The following JAKMIP1 variants were observed in gnomAD, a reference collection of about 807,000 sequenced individuals.
JAKMIP1 encodes janus kinase and microtubule interacting protein 1, also known as janus kinase and microtubule-interacting protein 1.
JAKMIP1 carries 33 observed loss-of-function variants against 113.0 expected under a neutral mutation model. That is an observed-to-expected ratio of 0.29 (90% CI 0.22 to 0.39). JAKMIP1 has a LOEUF of 0.39. Ranked by LOEUF, JAKMIP1 falls within the 10% of genes least tolerant of loss-of-function variation. The pLI, the probability that JAKMIP1 is intolerant of heterozygous loss-of-function variation, is 1.00. For synonymous variants in JAKMIP1, 480 were observed against 459.9 expected, an observed-to-expected ratio of 1.04 and a Z score of -0.56; for missense variants, 813 against 1,080.5, an observed-to-expected ratio of 0.75 and a Z score of 3.47.
rs1251622479 is a variant in JAKMIP1 at position 6,154,031 on chromosome 4, C to A, written c.-147-41034G>T. Among the ~76,000 whole-genome samples the A allele has an allele frequency of 6.6e-6, 1 of 152,174 alleles. No homozygotes were observed. The highest frequency in any genetic ancestry group is 2.4e-5 in the African/African-American group (1 of 41,444). On this transcript the variant is annotated intron_variant, in intron 1 of 20. Coordinates refer to ENST00000409021, the MANE Select transcript of JAKMIP1 (RefSeq NM_001099433.2). This position sits in a 1 kb window ranked among gnomAD's most constrained non-coding sequence, Gnocchi z 4.2. ...GTTTACTAAATACTGGCTGCTGAAC[C>A]AGAGTGAGAGTTCAAGGCCATCTCT...
intron 3 of JAKMIP1, among the ~76,000 whole-genome samples, chr4:6,100,151 G>GT (rs1295520301): frequency 6.6e-6 from 1 of 152,076 alleles, no homozygotes; most frequent in Non-Finnish European, 1.5e-5. Context: ...CCGATTTTTA[G>GT]TAAGTCTTCC....
chr4:6,116,859 A>T lies in JAKMIP1; in HGVS notation c.-147-3862T>A, dbSNP rs1198188660. Among the ~76,000 whole-genome samples, 2 of 152,246 alleles carry T rather than the reference A, an allele frequency of 1.3e-5. No individual in the cohort carries two copies. Among genetic ancestry groups the T allele is most frequent in the Admixed American group, 6.5e-5 (1 of 15,290 alleles). Reference sequence around the variant, plus strand: ...AAGTCTACAGGGCACTGTGATACACAGCTATCAAATATCACCTGTCACGGG... The same window carrying T: ...AAGTCTACAGGGCACTGTGATACACTGCTATCAAATATCACCTGTCACGGG... On this transcript the variant is annotated intron_variant, in intron 1 of 20. Transcript: ENST00000409021. The surrounding 1 kb of genome is among the most constrained non-coding windows in gnomAD (Gnocchi z 5.1).
chr4:6,125,892 C>T lies in JAKMIP1; in HGVS notation c.-147-12895G>A, dbSNP rs796906369. The stretch of plus-strand genomic sequence containing the variant: ...CGCCATACACTCCATACACACCATG[C>T]AGAAACACACACACACACCATACAC... On this transcript the variant is annotated intron_variant, in intron 1 of 20. Transcript: ENST00000409021. Among the ~76,000 whole-genome samples the T allele has an allele frequency of 9.2e-3, 17 of 1,838 alleles. 7 individuals carry two copies. The highest frequency in any genetic ancestry group is 0.077 in the East Asian group (2 of 26). 1.2% of individuals were successfully genotyped at this position (1,838 alleles called of 152,430 possible).
chr4:6,198,131 C>T (rs1728042769), intron 1 of JAKMIP1, among the ~76,000 whole-genome samples: 1 of 152,218 alleles, frequency 6.6e-6, no homozygotes, highest in African/African-American at 2.4e-5. Context: ...GCAAGATCTG[C>T]TTAAGGAAAA....
intron 9 of JAKMIP1, among the ~76,000 whole-genome samples, chr4:6,062,796 G>T (rs1057398445): frequency 3.9e-5 from 6 of 152,204 alleles, no homozygotes; most frequent in African/African-American, 1.4e-4. Context: ...CAGAAGCAAA[G>T]GTCTCCATTG....
intron 1 of JAKMIP1, among the ~76,000 whole-genome samples, chr4:6,163,098 C>T (rs983242674): frequency 1.1e-4 from 16 of 152,202 alleles, no homozygotes; most frequent in Admixed American, 9.8e-4. Flanking sequence ...AGAGTTCAGA[C>T]CCTGAGGCTC....
chr4:6,105,415 C>T (rs1176538482), intron 3 of JAKMIP1, 58 bp downstream of exon 3: 7 of 1,481,658 alleles, frequency 4.7e-6, no homozygotes, highest in Non-Finnish European at 4.5e-6. Context: ...GCATTTCCCC[C>T]ATGCGTGCAG....
chr4:6,098,891 A>AAGG (rs1157262938), intron 3 of JAKMIP1, among the ~76,000 whole-genome samples: 10 of 152,230 alleles, frequency 6.6e-5, no homozygotes, highest in Non-Finnish European at 1.5e-4. Flanking sequence ...ATTAGTTTTT[A>AAGG]CGCTTCTTAA....
rs1725677037 is a variant in JAKMIP1 at position 6,178,650 on chromosome 4, T to C, written c.-148+21603A>G. ...CCCTAATGCCATGATTGTAAGTTTT[T>C]TAAGGCTTCCCCAGCCATGCAAAAC... On this transcript the variant is annotated intron_variant, in intron 1 of 20. Coordinates refer to ENST00000409021, the MANE Select transcript of JAKMIP1 (RefSeq NM_001099433.2). The surrounding 1 kb of genome is among the most constrained non-coding windows in gnomAD (Gnocchi z 5.5). Among the ~76,000 whole-genome samples the C allele has an allele frequency of 6.6e-6, 1 of 152,182 alleles. No individual in the cohort carries two copies. The highest frequency in any genetic ancestry group is 1.5e-5 in the Non-Finnish European group (1 of 68,030).
intron 1 of JAKMIP1, among the ~76,000 whole-genome samples, chr4:6,177,332 A>G (rs572568037): frequency 3.9e-5 from 6 of 152,326 alleles, no homozygotes; most frequent in African/African-American, 1.4e-4. Context: ...CCAAATGTAC[A>G]TAGAAAGACA....
At chr4:6,134,425 C>G (rs552733697) in intron 1 of JAKMIP1, among the ~76,000 whole-genome samples, 3 of 152,194 alleles carry the variant, frequency 2.0e-5, no homozygotes, top group Non-Finnish European at 2.9e-5. Flanking sequence ...GACTGATGCT[C>G]TCTTCTTGAA....
In JAKMIP1 at chr4:6,050,252, G is replaced by GTCA. The variant is rs1715487797; in HGVS notation, c.1908+323_1908+325dup. 6.6e-6 allele frequency among the ~76,000 whole-genome samples: 1 copy of GTCA among 152,168 alleles called. No homozygotes were observed. The highest frequency in any genetic ancestry group is 2.4e-5 in the African/African-American group (1 of 41,442). On this transcript the variant is annotated intron_variant, in intron 14 of 20. Coordinates refer to ENST00000409021, the MANE Select transcript of JAKMIP1 (RefSeq NM_001099433.2). The surrounding 1 kb of genome is among the most constrained non-coding windows in gnomAD (Gnocchi z 7.4). The stretch of plus-strand genomic sequence containing the variant: ...GGCACTTGGAGTCTGTTCATGATGT[G>GTCA]TCATCACCCCAGCTTCACGGTGTGG...
chr4:6,130,234 T>C (rs1718306715), intron 1 of JAKMIP1, among the ~76,000 whole-genome samples: 1 of 152,226 alleles, frequency 6.6e-6, no homozygotes. Context: ...GCAATGAGAA[T>C]TGAATCAAAC....
chr4:6,163,331 A>G (rs1723189883), intron 1 of JAKMIP1, among the ~76,000 whole-genome samples: 1 of 152,220 alleles, frequency 6.6e-6, no homozygotes, highest in Non-Finnish European at 1.5e-5. Flanking sequence ...TATTTCAAAC[A>G]TTTCCATTTT....
chr4:6,047,629 T>A (rs1283333592), intron 16 of JAKMIP1, among the ~76,000 whole-genome samples: 2 of 152,218 alleles, frequency 1.3e-5, no homozygotes, highest in African/African-American at 2.4e-5. Context: ...TGGCCATAAG[T>A]CTTGTTACCA....
In JAKMIP1 at chr4:6,167,031, T is replaced by C. The variant is rs1310835681; in HGVS notation, c.-148+33222A>G. On this transcript the variant is annotated intron_variant, in intron 1 of 20. Coordinates refer to ENST00000409021, the MANE Select transcript of JAKMIP1 (RefSeq NM_001099433.2). The surrounding 1 kb of genome is among the most constrained non-coding windows in gnomAD (Gnocchi z 5.3). ...CTACCTCCTAGGGTCTCTCAAATAC[T>C]GTATGTGCTACCCCACATCAAGTAC... Among the ~76,000 whole-genome samples, 1 of 151,996 alleles carries C rather than the reference T, an allele frequency of 6.6e-6. No individual in the cohort carries two copies. The highest frequency in any genetic ancestry group is 1.5e-5 in the Non-Finnish European group (1 of 67,984).
At position 6,106,341 on chromosome 4, in the gene JAKMIP1, G is replaced by A. The variant is rs965854631; in HGVS notation, c.130-374C>T. Among the ~76,000 whole-genome samples the A allele has an allele frequency of 2.0e-5, 3 of 152,098 alleles. No individual in the cohort carries two copies. The highest frequency in any genetic ancestry group is 4.4e-5 in the Non-Finnish European group (3 of 68,024). On this transcript the variant is annotated intron_variant, in intron 2 of 20. Transcript: ENST00000409021. The surrounding 1 kb of genome is among the most constrained non-coding windows in gnomAD (Gnocchi z 5.9). ...TTGTAAACCAGAAATATATTTCCAG[G>A]GCCCCATGCGCGGACTGTGGAGTTG... is the stretch of plus-strand genomic sequence containing the variant.
At chr4:6,161,698 G>A (rs576237710) in intron 1 of JAKMIP1, among the ~76,000 whole-genome samples, 40 of 152,186 alleles carry the variant, frequency 2.6e-4, no homozygotes, top group Middle Eastern at 3.4e-3. Flanking sequence ...CAGAGCCACC[G>A]GGTGCTCTGA....
At chr4:6,102,594 A>C (rs1308366826) in intron 3 of JAKMIP1, among the ~76,000 whole-genome samples, 4 of 152,048 alleles carry the variant, frequency 2.6e-5, no homozygotes, top group African/African-American at 9.7e-5. Context: ...TATTATATAT[A>C]AGTTACCCAG....
Sources: gnomAD v4.1 joint callset for allele counts (sites outside exome capture counted in the v4.1 genomes callset) on GRCh38, gnomAD v4.1.1 for gene constraint, Gnocchi (gnomAD v3.1) non-coding constraint, MANE v1.5 for transcripts, NCBI Gene and HGNC (gene_info 2026-07-23, HGNC 2026-07-21) for gene names.